DOCK8: variants seen among roughly 807,000 people sequenced by gnomAD.
The protein encoded by DOCK8 is dedicator of cytokinesis protein 8.
Under a neutral mutation model 245.6 loss-of-function variants are expected in DOCK8, and 141 were observed. That is an observed-to-expected ratio of 0.57 (90% CI 0.50 to 0.66). The LOEUF (loss-of-function observed/expected upper bound fraction) is 0.66. Ranked by LOEUF, DOCK8 falls within the 30% of genes least tolerant of loss-of-function variation. The probability of loss-of-function intolerance (pLI) is 0.00; values close to 1 mark genes in which losing one functional copy is unlikely to be tolerated. For synonymous variants in DOCK8, 1,168 were observed against 970.2 expected (o/e 1.20, Z -3.79); for missense variants, 2,965 against 2,603.4 (o/e 1.14, Z -3.02).
At chr9:424,272 A>G (rs563892135) in intron 33 of DOCK8, among the ~76,000 whole-genome samples, 1 of 149,696 alleles carries the variant, frequency 6.7e-6, no homozygotes, top group South Asian at 2.2e-4. Context: ...GTCAGTGCCC[A>G]GCTGCACCCT....
chr9:450,078 T>C (rs1245882189), intron 45 of DOCK8, 151 bp downstream of exon 45: 3 of 821,856 alleles, frequency 3.7e-6, no homozygotes, highest in Non-Finnish European at 3.7e-6. Context: ...ACCTGTAAGG[T>C]TTAGAAGACT....
At chr9:311,904 A>G (rs1321944368) in intron 5 of DOCK8, 50 bp from the exon 6 acceptor site, 3 of 1,604,606 alleles carry the variant, frequency 1.9e-6, no homozygotes, top group South Asian at 1.1e-5. Flanking sequence ...TTCGGTTCTC[A>G]TTTTAGACTT....
chr9:223,378 CAA>C (rs1563819194), intron 1 of DOCK8, among the ~76,000 whole-genome samples: 2 of 152,118 alleles, frequency 1.3e-5, no homozygotes, highest in African/African-American at 4.8e-5. Flanking sequence ...CCCAGAAATA[CAA>C]AGACAAGTGA....
At position 325,711 on chromosome 9, in the gene DOCK8, C is replaced by T; in HGVS notation, c.868C>T (p.Leu290Phe). 6.2e-7 allele frequency: 1 copy of T among 1,613,998 alleles called. No homozygotes were observed. Among genetic ancestry groups the T allele is most frequent in the Non-Finnish European group, 8.5e-7 (1 of 1,179,926 alleles). ...EIEPLFASIALYDVKERKKIS... is the reference protein window; with the variant it reads ...EIEPLFASIAFYDVKERKKIS... ...TGAGCCCCTGTTTGCCAGCATTGCC[C>T]TCTACGATGTTAAAGAAAGGAAAAA... Residue 290 changes from leucine (L) to phenylalanine (F), a missense_variant, in exon 8 of 48, where the codon CTC becomes TTC. By Grantham distance (22) the Leu-to-Phe change is conservative (BLOSUM62 0). Transcript: ENST00000432829.
chr9:325,590 G>GT (rs2050729511), intron 7 of DOCK8, 81 bp from the exon 8 acceptor site: 2 of 1,167,450 alleles, frequency 1.7e-6, no homozygotes, highest in Non-Finnish European at 1.3e-6. Context: ...TTTTTAACCA[G>GT]TTTATCTATC....
intron 4 of DOCK8, among the ~76,000 whole-genome samples, chr9:303,239 GA>G (rs1218583698): frequency 6.6e-6 from 1 of 151,552 alleles, no homozygotes; most frequent in Non-Finnish European, 1.5e-5. Flanking sequence ...ATTTCTGAAA[GA>G]ACTTAAAACA....
At chr9:411,333 A>C (rs1011674942) in intron 28 of DOCK8, among the ~76,000 whole-genome samples, 17 of 152,136 alleles carry the variant, frequency 1.1e-4, no homozygotes, top group African/African-American at 4.1e-4. Flanking sequence ...GAATCATTTG[A>C]GACTGGAAGG....
In DOCK8 at chr9:399,193, G is replaced by A. The variant is rs2054615674; in HGVS notation, c.3168G>A (p.Leu1056=). ...EKMNISLAFF[L]YDLLSLMDRG... is the part of the protein sequence containing the mutation. ...TGAACATCAGCCTGGCTTTCTTCTT[G>A]TATGACCTTCTCTCCCTCATGGATC... Residue 1056 remains leucine (L), a synonymous_variant, in exon 26 of 48, where the codon TTG becomes TTA. Transcript: ENST00000432829. 1 of 1,614,074 alleles carries A rather than the reference G, an allele frequency of 6.2e-7. No individual in the cohort carries two copies. Among genetic ancestry groups the A allele is most frequent in the Non-Finnish European group, 8.5e-7 (1 of 1,180,016 alleles).
At chr9:246,038 G>A (rs1210329114) in intron 1 of DOCK8, among the ~76,000 whole-genome samples, 1 of 152,022 alleles carries the variant, frequency 6.6e-6, no homozygotes, top group Non-Finnish European at 1.5e-5. Flanking sequence ...TGGGCAACAT[G>A]GTGAAACCTA....
At chr9:275,513 T>C (rs1379986489) in intron 2 of DOCK8, among the ~76,000 whole-genome samples, 2 of 152,200 alleles carry the variant, frequency 1.3e-5, no homozygotes, top group African/African-American at 4.8e-5. Flanking sequence ...CATCAGTATT[T>C]TAAAGTTCCC....
chr9:376,778 A>T (rs1265328054), intron 19 of DOCK8, among the ~76,000 whole-genome samples, 199 bp from the exon 20 acceptor site: 1 of 152,230 alleles, frequency 6.6e-6, no homozygotes, highest in Non-Finnish European at 1.5e-5. Flanking sequence ...GCTAATAATT[A>T]TTGAAACGTT....
intron 42 of DOCK8, 83 bp downstream of exon 42, chr9:442,092 T>C: frequency 6.4e-7 from 1 of 1,568,510 alleles, no homozygotes; most frequent in Non-Finnish European, 8.7e-7. Flanking sequence ...AATAAACAAA[T>C]AAAGAGTTAT....
rs142610837 is a variant in DOCK8, at chr9:434,471, G to C, written c.4887-312G>C. 1.9e-3 allele frequency among the ~76,000 whole-genome samples: 287 copies of C among 152,080 alleles called. 2 individuals are homozygous for C. Among genetic ancestry groups the C allele is most frequent in the African/African-American group, 6.6e-3 (274 of 41,484 alleles). On this transcript the variant is annotated intron_variant, in intron 38 of 47. Transcript: ENST00000432829. Reference sequence around the variant, plus strand: ...TTTTGTCTTCTGTTTTATTTTGAGAGAAAGGAAAGAAAAGGCAGAAATTTG... The same window carrying C: ...TTTTGTCTTCTGTTTTATTTTGAGACAAAGGAAAGAAAAGGCAGAAATTTG...
At chr9:428,570 C>G in intron 35 of DOCK8, 74 bp downstream of exon 35, 2 of 1,568,952 alleles carry the variant, frequency 1.3e-6, no homozygotes, top group Non-Finnish European at 1.7e-6. Flanking sequence ...CTTCTCTCTT[C>G]AGGTGGACCA....
intron 26 of DOCK8, among the ~76,000 whole-genome samples, chr9:403,858 A>ATCTCTCTGTCTCTCTGTCTCTC (rs1554693888): frequency 2.4e-5 from 2 of 83,982 alleles, no homozygotes; most frequent in Non-Finnish European, 2.3e-5. Flanking sequence ...AAGACTCTGT[A>ATCTCTCTGTCTCTCTGTCTCTC]TCTCTCTCTC....
chr9:237,604 G>T (rs2047284777), intron 1 of DOCK8, among the ~76,000 whole-genome samples: 1 of 152,202 alleles, frequency 6.6e-6, no homozygotes, highest in African/African-American at 2.4e-5. Flanking sequence ...TCAGTGAGCT[G>T]TGATTGTACC....
chr9:377,646 A>G (rs1252973067), intron 20 of DOCK8, among the ~76,000 whole-genome samples: 1 of 152,114 alleles, frequency 6.6e-6, no homozygotes, highest in Admixed American at 6.5e-5. Flanking sequence ...TAAACTCACT[A>G]TTTTAAAGTG....
At chr9:422,231 G>C in intron 33 of DOCK8, 96 bp downstream of exon 33, 1 of 1,025,942 alleles carries the variant, frequency 9.7e-7, no homozygotes. Flanking sequence ...ATCCTTCCAA[G>C]GGTTAGAAAA....
chr9:249,880 G>C lies in DOCK8; in HGVS notation c.54-21747G>C, dbSNP rs184126907. ...TGACCTCAAGCGACGCCCCCGCCTC[G>C]GCATCCCAAAGTGCTGGGATTACAG... On this transcript the variant is annotated intron_variant, in intron 1 of 47. Transcript: ENST00000432829. 2.8e-3 allele frequency among the ~76,000 whole-genome samples: 425 copies of C among 151,752 alleles called. 3 individuals are homozygous for C. Among genetic ancestry groups the C allele is most frequent in the Admixed American group, 6.4e-3 (98 of 15,218 alleles).
Sources: gnomAD v4.1 joint callset for allele counts (sites outside exome capture counted in the v4.1 genomes callset) on GRCh38, gnomAD v4.1.1 for gene constraint, MANE v1.5 for transcripts, NCBI Gene and HGNC (gene_info 2026-07-23, HGNC 2026-07-21) for gene names.